Variants in SLC43A3 observed in about 807,000 individuals in gnomAD.
SLC43A3 encodes solute carrier family 43 member 3.
SLC43A3 carries 33 observed loss-of-function variants against 53.3 expected under a neutral mutation model. The ratio of observed to expected loss-of-function variants is 0.62; its 90% CI spans 0.47 to 0.83. The LOEUF is 0.83. Among genes scored for constraint, SLC43A3 ranks in the 40% least tolerant of loss-of-function variants. The pLI is 0.00. For synonymous variants in SLC43A3, 236 were observed against 246.2 expected (o/e 0.96, Z 0.39); for missense variants, 530 against 610.0 (o/e 0.87, Z 1.38).
At chr11:57,424,963 C>A (rs1306294218) in intron 4 of SLC43A3, among the ~76,000 whole-genome samples, 1 of 152,240 alleles carries the variant, frequency 6.6e-6, no homozygotes, top group African/African-American at 2.4e-5. Context: ...ACGTCCCGAA[C>A]CTTCTGACTC....
chr11:57,424,102 C>T, intron 4 of SLC43A3, 74 bp from the exon 5 acceptor site: 1 of 1,438,834 alleles, frequency 7.0e-7, no homozygotes, highest in Non-Finnish European at 9.7e-7. Flanking sequence ...TGATTCTGCT[C>T]AGCCAGCCCA....
At chr11:57,416,708 T>G in intron 8 of SLC43A3, 38 bp from the exon 9 acceptor site, 1 of 1,523,908 alleles carries the variant, frequency 6.6e-7, no homozygotes, top group Non-Finnish European at 9.1e-7. Context: ...GGCCAAGGAC[T>G]GTGAGCCGAA....
intron 5 of SLC43A3, among the ~76,000 whole-genome samples, chr11:57,422,023 G>C (rs1026643194): frequency 1.3e-5 from 2 of 152,192 alleles, no homozygotes; most frequent in African/African-American, 4.8e-5. Flanking sequence ...GTAAGTGTGA[G>C]ACCACAGCAA....
Position 57,421,057 on chromosome 11 carries a change from T to C in SLC43A3, c.446A>G (p.Asn149Ser). 6.2e-7 allele frequency: 1 copy of C among 1,610,460 alleles called. No homozygotes were observed. Among genetic ancestry groups the C allele is most frequent in the Admixed American group, 1.7e-5 (1 of 60,002 alleles). Residue 149 changes from asparagine (N) to serine (S), a missense_variant, in exon 7 of 14, where the codon AAC becomes AGC. Around this residue, in one of 3 missense-constraint regions of SLC43A3, gnomAD observed 376 missense variants for 386.7 expected, o/e 0.97. Transcript: ENST00000395124. ...LFLITNLQIG[N>S]LFGQHRSTII... ...GGTCGAACGGTGTTGGCCAAATAGG[T>C]TCCCAATCTGGGGATGATAGGACTA...
At chr11:57,424,632 T>C (rs1347018115) in intron 4 of SLC43A3, among the ~76,000 whole-genome samples, 1 of 149,654 alleles carries the variant, frequency 6.7e-6, no homozygotes, top group Non-Finnish European at 1.5e-5. Flanking sequence ...AAAAGCAATA[T>C]CCTAAGGCTG....
At chr11:57,411,505 A>G (rs1175943632) in intron 11 of SLC43A3, among the ~76,000 whole-genome samples, 2 of 133,002 alleles carry the variant, frequency 1.5e-5, no homozygotes, top group Non-Finnish European at 3.2e-5. Flanking sequence ...AAAAAAAAAA[A>G]TTATTTTAAA....
rs752806475 is a variant in SLC43A3, at chr11:57,425,102, G to T, written c.314+439C>A. On this transcript the variant is annotated intron_variant, in intron 4 of 13. Transcript: ENST00000395124. ...AGTGATTGGCTGTTGGGGCGGGGAGGGGGGGCGGTGAGGAGGATGAGGATG... is the reference window on the plus strand; with the variant it reads ...AGTGATTGGCTGTTGGGGCGGGGAGTGGGGGCGGTGAGGAGGATGAGGATG... Among the ~76,000 whole-genome samples, 13 of 152,262 alleles carry T rather than the reference G, an allele frequency of 8.5e-5. 1 individual carries two copies. The East Asian group carries it at 1.7e-3, about 20-fold the overall frequency.
intron 11 of SLC43A3, among the ~76,000 whole-genome samples, chr11:57,412,364 C>A (rs1349145979): frequency 6.6e-6 from 1 of 152,064 alleles, no homozygotes; most frequent in African/African-American, 2.4e-5. Flanking sequence ...ATAAAAGAAA[C>A]AATTAGTAGC....
At chr11:57,421,198 C>A in intron 6 of SLC43A3, 99 bp downstream of exon 6, 1 of 1,282,850 alleles carries the variant, frequency 7.8e-7, no homozygotes, top group Non-Finnish European at 1.1e-6. Flanking sequence ...TCAGCTTGGG[C>A]CAACCCCATC....
chr11:57,425,185 G>A (rs1460787229), intron 4 of SLC43A3, among the ~76,000 whole-genome samples: 1 of 152,198 alleles, frequency 6.6e-6, no homozygotes, highest in Non-Finnish European at 1.5e-5. Flanking sequence ...GATCCTTGGG[G>A]TGAAGGAAGA....
chr11:57,426,204 C>A lies in SLC43A3; in HGVS notation c.-32G>T, dbSNP rs747286260. ...AAGTGGAGTGGATCTTCAAATCCCA[C>A]TTTGTCCTCCTGGACGGATCACAGG... is the stretch of plus-strand genomic sequence containing the variant. On this transcript the variant is annotated 5_prime_UTR_variant, in exon 3 of 14. Coordinates refer to ENST00000395124, the MANE Select transcript of SLC43A3 (RefSeq NM_199329.3). 1.9e-6 allele frequency: 3 copies of A among 1,608,244 alleles called. No individual in the cohort carries two copies. In the South Asian group the frequency reaches 3.3e-5, roughly 18 times the overall value.
In SLC43A3 at chr11:57,407,146, T is replaced by C. The variant is rs1315230814; in HGVS notation, c.*646A>G. 1 of 152,288 alleles carries C rather than the reference T, an allele frequency of 6.6e-6. No homozygotes were observed. The highest frequency in any genetic ancestry group is 1.5e-5 in the Non-Finnish European group (1 of 68,110). The allele number at this position is 152,288 out of a possible 1,614,324, so 9.4% of individuals were successfully genotyped here. A position where few individuals can be genotyped will look rare whatever the true frequency, so the allele number is the denominator to read the frequency against. Reference sequence around the variant, plus strand: ...GGTGGCCTGACTCTGTCACTATTCCTAAAACCTTCTAGGACATCTGCTCCA... The same window carrying C: ...GGTGGCCTGACTCTGTCACTATTCCCAAAACCTTCTAGGACATCTGCTCCA... On this transcript the variant is annotated 3_prime_UTR_variant, in exon 14 of 14. Coordinates refer to ENST00000395124, the MANE Select transcript of SLC43A3 (RefSeq NM_199329.3).
chr11:57,409,889 G>A (rs1324361921), intron 12 of SLC43A3, 46 bp downstream of exon 12: 2 of 1,517,692 alleles, frequency 1.3e-6, no homozygotes, highest in Non-Finnish European at 1.8e-6. Flanking sequence ...GCTTCTCTTT[G>A]CCCCAGTGTG....
rs760383396 is a variant in SLC43A3 at position 57,409,175 on chromosome 11, G to A, written c.1371C>T (p.Tyr457=). 3.0e-5 allele frequency: 48 copies of A among 1,614,010 alleles called. No homozygotes were observed. Among genetic ancestry groups the A allele is most frequent in the Admixed American group, 2.0e-4 (12 of 60,006 alleles). ...GGATCCCCATCCTCCCAGTACTCACGTAAAATGGGTCATTCTGAAGGGAGC... is the reference window on the plus strand; with the variant it reads ...GGATCCCCATCCTCCCAGTACTCACATAAAATGGGTCATTCTGAAGGGAGC... ...IKGSLQNDPF[Y]VNVMFMLAIL... The change falls in exon 13 of 14, where the codon TAC becomes TAT. Residue 457 remains tyrosine (Y), a splice_region_variant and synonymous_variant. Coordinates refer to ENST00000395124, the MANE Select transcript of SLC43A3 (RefSeq NM_199329.3).
At chr11:57,416,850 C>G (rs1319434006) in intron 8 of SLC43A3, among the ~76,000 whole-genome samples, 180 bp from the exon 9 acceptor site, 2 of 152,170 alleles carry the variant, frequency 1.3e-5, no homozygotes, top group African/African-American at 4.8e-5. Context: ...GAGGTGAGAG[C>G]CAGGCTTCCT....
chr11:57,420,926 T>TGGCATATACAAGTGCCC (rs766088925), intron 7 of SLC43A3, 46 bp downstream of exon 7: 2 of 1,264,772 alleles, frequency 1.6e-6, no homozygotes, highest in African/African-American at 2.9e-5. Context: ...GACAAGTGTC[T>TGGCATATACAAGTGCCC]GGCATATACA....
At chr11:57,409,497 G>A (rs1470682242) in intron 12 of SLC43A3, among the ~76,000 whole-genome samples, 199 bp from the exon 13 acceptor site, 6 of 152,148 alleles carry the variant, frequency 3.9e-5, no homozygotes, top group East Asian at 3.8e-4. Flanking sequence ...AGGCACATGC[G>A]GGGCCCTGGA....
Position 57,414,819 on chromosome 11 carries a change from T to C in SLC43A3, c.944-88A>G, listed in dbSNP as rs528124504. 3.4e-4 allele frequency: 518 copies of C among 1,521,992 alleles called. 4 individuals carry two copies. In the African/African-American group the frequency reaches 6.4e-3, roughly 19 times the overall value. 94.3% of individuals were successfully genotyped at this position (1,521,992 alleles called of 1,614,324 possible). On this transcript the variant is annotated intron_variant, in intron 10 of 13. Coordinates refer to ENST00000395124, the MANE Select transcript of SLC43A3 (RefSeq NM_199329.3). ...CTCTCCCACCTTACCCTTGTCTGCA[T>C]GTCCCTCCTCCCCACACCATCAGAC...
At chr11:57,407,935 C>CTG (rs1423808505) in intron 13 of SLC43A3, 39 bp from the exon 14 acceptor site, 1 of 1,377,606 alleles carries the variant, frequency 7.3e-7, no homozygotes. Context: ...TCCAGGAATT[C>CTG]TGAACAACAG....
Sources: gnomAD v4.1 joint callset for allele counts (sites outside exome capture counted in the v4.1 genomes callset) on GRCh38, gnomAD v4.1.1 for gene constraint, gnomAD v4.1.1 regional missense constraint, MANE v1.5 for transcripts, NCBI Gene and HGNC (gene_info 2026-07-23, HGNC 2026-07-21) for gene names.